Variants in INTS7 observed in about 807,000 individuals in gnomAD.
INTS7 encodes the protein integrator complex subunit 7.
In INTS7, 46 loss-of-function variants were observed where a neutral mutation model predicts 109.2. That is an observed-to-expected ratio of 0.42 (90% CI 0.33 to 0.54). The LOEUF (loss-of-function observed/expected upper bound fraction) is 0.54, where lower values mean the gene tolerates loss of function less well. INTS7 is among the 20% of genes least tolerant of loss of function. INTS7 has a pLI of 0.07. For synonymous variants in INTS7, 412 were observed against 402.9 expected (o/e 1.02, Z -0.27); for missense variants, 929 against 1,132.4 (o/e 0.82, Z 2.58).
intron 4 of INTS7, among the ~76,000 whole-genome samples, chr1:212,013,266 C>T (rs1203582648): frequency 6.6e-6 from 1 of 152,136 alleles, no homozygotes; most frequent in African/African-American, 2.4e-5. Flanking sequence ...AGTGATACCC[C>T]GGCCTCAGCC....
Position 211,959,160 on chromosome 1 carries a change from C to A in INTS7, c.2184-6459G>T, listed in dbSNP as rs558880561. ...GTTAGGGGCCGTATTCTAGCCAATG[C>A]AGAGCCCAAAGGGTTTGGTGTGTGA... is the stretch of plus-strand genomic sequence containing the variant. On this transcript the variant is annotated intron_variant, in intron 16 of 19. Coordinates refer to ENST00000366994, the MANE Select transcript of INTS7 (RefSeq NM_015434.4). This position sits in a 1 kb window ranked among gnomAD's most constrained non-coding sequence, Gnocchi z 4.2. 1.3e-5 allele frequency among the ~76,000 whole-genome samples: 2 copies of A among 152,328 alleles called. No individual in the cohort carries two copies. Among genetic ancestry groups the A allele is most frequent in the South Asian group, 2.1e-4 (1 of 4,834 alleles).
At chr1:211,999,075 A>G (rs1665542983) in intron 7 of INTS7, among the ~76,000 whole-genome samples, 1 of 152,228 alleles carries the variant, frequency 6.6e-6, no homozygotes, top group Non-Finnish European at 1.5e-5. Context: ...ACGGTTTGGC[A>G]GTTTCTTACA....
intron 16 of INTS7, among the ~76,000 whole-genome samples, chr1:211,964,864 C>A (rs181221888): frequency 2.1e-4 from 32 of 151,698 alleles, no homozygotes; most frequent in African/African-American, 7.7e-4. Flanking sequence ...AATGATAGAA[C>A]CCTGGAAGAC....
chr1:211,972,591 G>T (rs1168337464), intron 13 of INTS7, among the ~76,000 whole-genome samples: 1 of 152,130 alleles, frequency 6.6e-6, no homozygotes, highest in African/African-American at 2.4e-5. Context: ...TTTTGAAGGT[G>T]GATAGCACCC....
intron 9 of INTS7, 29 bp downstream of exon 9, chr1:211,982,647 T>C (rs1439349511): frequency 2.0e-6 from 3 of 1,529,278 alleles, no homozygotes; most frequent in Non-Finnish European, 2.6e-6. Flanking sequence ...CCAAAGTTTA[T>C]ACGTAATATC....
intron 10 of INTS7, among the ~76,000 whole-genome samples, chr1:211,980,608 A>T (rs532839805): frequency 9.2e-5 from 14 of 152,018 alleles, no homozygotes; most frequent in African/African-American, 3.1e-4. Flanking sequence ...GCTAAATTTT[A>T]AAAAATTTTT....
intron 13 of INTS7, among the ~76,000 whole-genome samples, chr1:211,974,536 A>G (rs1664334097): frequency 6.6e-6 from 1 of 152,004 alleles, no homozygotes; most frequent in Admixed American, 6.5e-5. Context: ...CGTTGATTAT[A>G]TAACTTCTTT....
At chr1:212,030,333 G>A (rs1667100815) in intron 1 of INTS7, among the ~76,000 whole-genome samples, 1 of 150,962 alleles carries the variant, frequency 6.6e-6, no homozygotes, top group Admixed American at 6.6e-5. Flanking sequence ...TTGTCGCCCA[G>A]GCTGGAGTGC....
At chr1:212,035,143 T>C (rs1022217158) in intron 1 of INTS7, among the ~76,000 whole-genome samples, 1 of 152,184 alleles carries the variant, frequency 6.6e-6, no homozygotes, top group Admixed American at 6.5e-5. Flanking sequence ...TTAGCCGGTA[T>C]AAGGCCAGTC....
At chr1:212,023,458 G>A (rs1558059265) in intron 1 of INTS7, among the ~76,000 whole-genome samples, 1 of 152,076 alleles carries the variant, frequency 6.6e-6, no homozygotes, top group African/African-American at 2.4e-5. Flanking sequence ...GGTGTGAGAT[G>A]GTATCTTACT....
intron 1 of INTS7, among the ~76,000 whole-genome samples, chr1:212,026,271 C>T (rs572666578): frequency 1.3e-5 from 2 of 152,240 alleles, no homozygotes; most frequent in African/African-American, 2.4e-5. Context: ...GGTGATGTTC[C>T]GTAATGCACT....
Position 211,946,411 on chromosome 1 carries a change from G to A in INTS7, c.2415+196C>T, listed in dbSNP as rs985748303. Among the ~76,000 whole-genome samples, 11 of 152,152 alleles carry A rather than the reference G, an allele frequency of 7.2e-5. No homozygotes were observed. The highest frequency in any genetic ancestry group is 1.6e-4 in the Non-Finnish European group (11 of 68,028). On this transcript the variant is annotated intron_variant, in intron 18 of 19. Transcript: ENST00000366994. This position sits in a 1 kb window ranked among gnomAD's most constrained non-coding sequence, Gnocchi z 4.3. ...GGCAGGAGAATCGCTTGAACCCGGA[G>A]GTTGCGGTGAGCCAAAATCACACCA... is the stretch of plus-strand genomic sequence containing the variant.
chr1:211,987,019 G>A (rs911691675), intron 8 of INTS7, among the ~76,000 whole-genome samples: 16 of 152,160 alleles, frequency 1.1e-4, no homozygotes, highest in Admixed American at 3.9e-4. Context: ...CAACCAGCCT[G>A]GGCACAGTGG....
intron 4 of INTS7, among the ~76,000 whole-genome samples, chr1:212,014,189 G>A (rs1666292519): frequency 6.6e-6 from 1 of 152,154 alleles, no homozygotes; most frequent in African/African-American, 2.4e-5. Context: ...AAGGGGCCGG[G>A]CACACTGGCT....
chr1:211,944,705 C>A, intron 19 of INTS7, 79 bp downstream of exon 19: 1 of 1,178,320 alleles, frequency 8.5e-7, no homozygotes, highest in Non-Finnish European at 1.3e-6. Context: ...ATCTATTTAA[C>A]CATGAAAAAC....
Position 211,966,499 on chromosome 1 carries a change from C to A in INTS7, c.2115-1G>T. The A allele has an allele frequency of 6.2e-7, 1 of 1,601,456 alleles. No homozygotes were observed. Among genetic ancestry groups the A allele is most frequent in the South Asian group, 1.1e-5 (1 of 89,952 alleles). On this transcript the variant is annotated splice_acceptor_variant, in intron 15 of 19. Coordinates refer to ENST00000366994, the MANE Select transcript of INTS7 (RefSeq NM_015434.4). LOFTEE classifies it high-confidence loss of function. ...TATCAGTAAACAGCTCTGCTGCTGT[C>A]TGGATTGATGTTAAGGTTACATACG... is the stretch of plus-strand genomic sequence containing the variant.
rs944386439 is a variant in INTS7 at position 211,946,760 on chromosome 1, C to A, written c.2317-55G>T. 4.2e-5 allele frequency: 51 copies of A among 1,225,306 alleles called. No homozygotes were observed. Among genetic ancestry groups the A allele is most frequent in the Non-Finnish European group, 5.5e-5 (46 of 843,584 alleles). 75.9% of individuals were successfully genotyped at this position (1,225,306 alleles called of 1,614,324 possible). ...AAAATAAATTTTCAAATTTCATCAA[C>A]AAGTGGTACATTCAGTATAAAACTA... is the stretch of plus-strand genomic sequence containing the variant. On this transcript the variant is annotated intron_variant, in intron 17 of 19. Coordinates refer to ENST00000366994, the MANE Select transcript of INTS7 (RefSeq NM_015434.4). The surrounding 1 kb of genome is among the most constrained non-coding windows in gnomAD (Gnocchi z 4.3).
At chr1:212,004,805 A>G (rs1357950620) in intron 7 of INTS7, among the ~76,000 whole-genome samples, 15 of 152,246 alleles carry the variant, frequency 9.9e-5, no homozygotes, top group Admixed American at 9.8e-4. Context: ...AACATATTAA[A>G]AAGGTGTTCA....
intron 4 of INTS7, among the ~76,000 whole-genome samples, chr1:212,016,611 C>T (rs1356688290): frequency 2.0e-5 from 3 of 152,206 alleles, no homozygotes; most frequent in African/African-American, 7.2e-5. Flanking sequence ...GCTTCTGCTA[C>T]CCAATGAAGC....
Sources: gnomAD v4.1 joint callset for allele counts (sites outside exome capture counted in the v4.1 genomes callset) on GRCh38, gnomAD v4.1.1 for gene constraint, Gnocchi (gnomAD v3.1) non-coding constraint, MANE v1.5 for transcripts, NCBI Gene and HGNC (gene_info 2026-07-23, HGNC 2026-07-21) for gene names.